Variants in KCTD10 observed in about 807,000 individuals in gnomAD.
The protein encoded by KCTD10 is potassium channel tetramerization domain containing 10, also known as BTB/POZ domain-containing adapter for CUL3-mediated RhoA degradation protein 3.
Under a neutral mutation model 34.6 loss-of-function variants are expected in KCTD10, and 13 were observed. The observed-to-expected ratio is 0.38, with a 90% CI of 0.24 to 0.60. The LOEUF is 0.60. Ranked by LOEUF, KCTD10 falls within the 20% of genes least tolerant of loss-of-function variation. The pLI, the probability that KCTD10 is intolerant of heterozygous loss-of-function variation, is 0.66. For missense variants in KCTD10, 256 were observed against 420.3 expected, an observed-to-expected ratio of 0.61 and a Z score of 3.42; for synonymous variants, 156 against 168.8, an observed-to-expected ratio of 0.92 and a Z score of 0.59.
At chr12:109,476,632 G>T (rs1258566248) in intron 1 of KCTD10, among the ~76,000 whole-genome samples, 1 of 152,086 alleles carries the variant, frequency 6.6e-6, no homozygotes, top group Non-Finnish European at 1.5e-5. Flanking sequence ...CCTAACCTCA[G>T]GCCCCTGGCA....
At chr12:109,468,731 C>T (rs1014483420) in intron 2 of KCTD10, among the ~76,000 whole-genome samples, 1 of 149,812 alleles carries the variant, frequency 6.7e-6, no homozygotes, top group African/African-American at 2.5e-5. Context: ...CAGCTCACTG[C>T]AAGCTCCGCC....
intron 6 of KCTD10, among the ~76,000 whole-genome samples, chr12:109,454,250 T>C (rs1264192734): frequency 6.6e-6 from 1 of 152,248 alleles, no homozygotes; most frequent in African/African-American, 2.4e-5. Context: ...GCAGCTATTA[T>C]TAACCTGTTC....
rs1873783985 is a variant in KCTD10 at position 109,469,654 on chromosome 12, G to A, written c.78C>T (p.Gly26=). The A allele has an allele frequency of 1.9e-6, 3 of 1,614,234 alleles. No individual in the cohort carries two copies. The highest frequency in any genetic ancestry group is 2.2e-5 in the East Asian group (1 of 44,882). ...TCACGTATTTGGAGCTGGGGCTCGT[G>A]CCCTTGAAGGAAGTGGTGCGGGTAG... ...AAATRTTSFK[G]TSPSSKYVKL... Residue 26 remains glycine (G), a synonymous_variant, in exon 2 of 7, where the codon GGC becomes GGT. Coordinates refer to ENST00000228495, the MANE Select transcript of KCTD10 (RefSeq NM_031954.5).
At chr12:109,465,251 C>A (rs1313795012) in intron 2 of KCTD10, among the ~76,000 whole-genome samples, 1 of 152,176 alleles carries the variant, frequency 6.6e-6, no homozygotes, top group Non-Finnish European at 1.5e-5. Context: ...AATGTCTGAA[C>A]GAGAGCTATT....
rs1214683219 is a variant in KCTD10 at position 109,449,466 on chromosome 12, C to T, written c.*2129G>A. 6.6e-6 allele frequency: 1 copy of T among 152,220 alleles called. No homozygotes were observed. The highest frequency in any genetic ancestry group is 1.5e-5 in the Non-Finnish European group (1 of 68,058). 9.4% of individuals were successfully genotyped at this position (152,220 alleles called of 1,614,324 possible). A position where few individuals can be genotyped will look rare whatever the true frequency, so the allele number is the denominator to read the frequency against. ...ATGCAGCCAGGTGTGGTGACTCACACCTGTAATCCCAGCACTTTGGGAGGC... is the reference window on the plus strand; with the variant it reads ...ATGCAGCCAGGTGTGGTGACTCACATCTGTAATCCCAGCACTTTGGGAGGC... On this transcript the variant is annotated 3_prime_UTR_variant, in exon 7 of 7. Coordinates refer to ENST00000228495, the MANE Select transcript of KCTD10 (RefSeq NM_031954.5).
At position 109,450,100 on chromosome 12, in the gene KCTD10, T is replaced by A. The variant is rs568013253; in HGVS notation, c.*1495A>T. 2.5e-6 allele frequency: 1 copy of A among 396,570 alleles called. No homozygotes were observed. The highest frequency in any genetic ancestry group is 3.6e-5 in the East Asian group (1 of 28,022). 24.6% of individuals were successfully genotyped at this position (396,570 alleles called of 1,614,324 possible). ...ACCGTTTGAAAATATAAACTCGTTT[T>A]TGGAATACATGTGTCAAAGGCTGCC... On this transcript the variant is annotated 3_prime_UTR_variant, in exon 7 of 7. Coordinates refer to ENST00000228495, the MANE Select transcript of KCTD10 (RefSeq NM_031954.5).
chr12:109,455,353 A>C (rs976007552), intron 6 of KCTD10: 2 of 152,114 alleles, frequency 1.3e-5, no homozygotes, highest in Non-Finnish European at 1.5e-5. Context: ...AAATCACCAC[A>C]CTATAATTCT....
Position 109,448,766 on chromosome 12 carries a change from A to T in KCTD10, c.*2829T>A, listed in dbSNP as rs1815821876. Reference sequence around the variant, plus strand: ...GCGCAAAGAGACAGAAAGGTTAATGACACACTTAACTGTTACAGTGACTTT... The same window carrying T: ...GCGCAAAGAGACAGAAAGGTTAATGTCACACTTAACTGTTACAGTGACTTT... On this transcript the variant is annotated 3_prime_UTR_variant, in exon 7 of 7. Transcript: ENST00000228495. 6.6e-6 allele frequency: 1 copy of T among 152,242 alleles called. No homozygotes were observed. The highest frequency in any genetic ancestry group is 1.5e-5 in the Non-Finnish European group (1 of 68,046). 9.4% of individuals were successfully genotyped at this position (152,242 alleles called of 1,614,324 possible). A position where few individuals can be genotyped will look rare whatever the true frequency, so the allele number is the denominator to read the frequency against.
chr12:109,450,117 A>G lies in KCTD10; in HGVS notation c.*1478T>C, dbSNP rs1872691136. 1.0e-5 allele frequency: 4 copies of G among 397,380 alleles called. No homozygotes were observed. In the East Asian group the frequency reaches 1.4e-4, roughly 14 times the overall value. 24.6% of individuals were successfully genotyped at this position (397,380 alleles called of 1,614,324 possible). On this transcript the variant is annotated 3_prime_UTR_variant, in exon 7 of 7. Transcript: ENST00000228495. ...ACTCGTTTTTGGAATACATGTGTCA[A>G]AGGCTGCCCATGTTAATACCTTTGG...
Position 109,477,259 on chromosome 12 carries a change from C to G in KCTD10, c.3+1G>C, listed in dbSNP as rs748196238. The G allele has an allele frequency of 1.2e-6, 2 of 1,613,966 alleles. No homozygotes were observed. Among genetic ancestry groups the G allele is most frequent in the Non-Finnish European group, 1.7e-6 (2 of 1,179,936 alleles). Reference sequence around the variant, plus strand: ...TAGTCCATGGGCACCGCCCTCCCTACCATGAAAAGTCGGAGGACGCAGGAG... The same window carrying G: ...TAGTCCATGGGCACCGCCCTCCCTAGCATGAAAAGTCGGAGGACGCAGGAG... On this transcript the variant is annotated splice_donor_variant, in intron 1 of 6. Transcript: ENST00000228495. LOFTEE classifies it high-confidence loss of function.
intron 2 of KCTD10, among the ~76,000 whole-genome samples, chr12:109,468,612 A>T (rs1272673568): frequency 6.6e-6 from 1 of 150,770 alleles, no homozygotes; most frequent in African/African-American, 2.4e-5. Flanking sequence ...CCAGGTGAGT[A>T]GGAAGTAGTT....
intron 1 of KCTD10, among the ~76,000 whole-genome samples, chr12:109,472,245 A>G (rs1290854381): frequency 6.6e-6 from 1 of 152,110 alleles, no homozygotes; most frequent in East Asian, 1.9e-4. Flanking sequence ...CTGTACAAAA[A>G]TATTTTCTTT....
intron 1 of KCTD10, 140 bp downstream of exon 1, chr12:109,477,120 A>T: frequency 1.3e-6 from 1 of 749,840 alleles, no homozygotes; most frequent in Non-Finnish European, 1.7e-6. Flanking sequence ...CCTTTCCCCT[A>T]ACCAATCCCC....
At position 109,451,452 on chromosome 12, in the gene KCTD10, C is replaced by T. The variant is rs1423110095; in HGVS notation, c.*143G>A. The stretch of plus-strand genomic sequence containing the variant: ...AATCAATTTGCCTTGTCAAGCAATA[C>T]CAAAATAATCATCTGGCTTGTTACA... On this transcript the variant is annotated 3_prime_UTR_variant, in exon 7 of 7. Transcript: ENST00000228495. The surrounding 1 kb of genome is among the most constrained non-coding windows in gnomAD (Gnocchi z 5.0). 2 of 794,440 alleles carry T rather than the reference C, an allele frequency of 2.5e-6. No individual in the cohort carries two copies. The highest frequency in any genetic ancestry group is 2.9e-5 in the Admixed American group (1 of 33,940). 49.2% of individuals were successfully genotyped at this position (794,440 alleles called of 1,614,324 possible).
intron 1 of KCTD10, 140 bp downstream of exon 1, chr12:109,477,120 A>C: frequency 4.0e-6 from 3 of 749,792 alleles, no homozygotes; most frequent in African/African-American, 2.7e-5. Context: ...CCTTTCCCCT[A>C]ACCAATCCCC....
chr12:109,457,710 G>T, intron 4 of KCTD10, 28 bp from the exon 5 acceptor site: 1 of 1,612,456 alleles, frequency 6.2e-7, no homozygotes, highest in African/African-American at 1.3e-5. Context: ...AGAAGAAGAA[G>T]AGAGTTACTT....
At position 109,457,687 on chromosome 12, in the gene KCTD10, G is replaced by C. The variant is rs1232279625; in HGVS notation, c.475-5C>G. ...GTAGAGCAACTTCACGGCTGGCTGT[G>C]GGTTGTTTTAAAAGAAGAAGAAGAG... On this transcript the variant is annotated splice_polypyrimidine_tract_variant and splice_region_variant and intron_variant, in intron 4 of 6. Transcript: ENST00000228495. 6.2e-7 allele frequency: 1 copy of C among 1,614,098 alleles called. No homozygotes were observed. The highest frequency in any genetic ancestry group is 1.3e-5 in the African/African-American group (1 of 75,060).
chr12:109,451,598 C>G lies in KCTD10; in HGVS notation c.939G>C (p.Gln313His). Residue 313 changes from glutamine to histidine, a missense_variant, in exon 7 of 7, where the codon CAG (glutamine) becomes CAC (histidine). Gln to His is a conservative substitution (Grantham distance 24). Around this residue, in one of 3 missense-constraint regions of KCTD10, gnomAD observed 60 missense variants for 89.0 expected, o/e 0.67. Transcript: ENST00000228495. The surrounding 1 kb of genome is among the most constrained non-coding windows in gnomAD (Gnocchi z 5.0). ...GGCGGCTCGGTCTCTTGCCTGCTCA[C>G]TGGTGGAGGTGGGCCCGGTCATCAG... is the stretch of plus-strand genomic sequence containing the variant. The part of the protein sequence containing the change: ...KRPDDRAHLH[Q>H] The G allele has an allele frequency of 6.2e-7, 1 of 1,605,484 alleles. No individual in the cohort carries two copies. The highest frequency in any genetic ancestry group is 1.1e-5 in the South Asian group (1 of 90,538).
intron 2 of KCTD10, 47 bp downstream of exon 2, chr12:109,469,468 A>G (rs373238395): frequency 4.0e-5 from 64 of 1,595,506 alleles, no homozygotes; most frequent in Admixed American, 1.0e-4. Flanking sequence ...GCCCTCCTTG[A>G]CCACATAACG....
Sources: gnomAD v4.1 joint callset for allele counts (sites outside exome capture counted in the v4.1 genomes callset) on GRCh38, gnomAD v4.1.1 for gene constraint, gnomAD v4.1.1 regional missense constraint, Gnocchi (gnomAD v3.1) non-coding constraint, MANE v1.5 for transcripts, NCBI Gene and HGNC (gene_info 2026-07-23, HGNC 2026-07-21) for gene names.